Variants in MAPKAP1 observed in about 807,000 individuals in gnomAD.
MAPKAP1 encodes the protein target of rapamycin complex 2 subunit MAPKAP1.
Under a neutral mutation model 65.7 loss-of-function variants are expected in MAPKAP1, and 20 were observed. That is an observed-to-expected ratio of 0.30 (90% CI 0.21 to 0.44). The LOEUF (loss-of-function observed/expected upper bound fraction) is 0.44, where lower values mean the gene tolerates loss of function less well. Ranked by LOEUF, MAPKAP1 falls within the 20% of genes least tolerant of loss-of-function variation. The pLI, the probability that MAPKAP1 is intolerant of heterozygous loss-of-function variation, is 1.00. For synonymous variants in MAPKAP1, 222 were observed against 244.3 expected, an observed-to-expected ratio of 0.91 and a Z score of 0.85; for missense variants, 423 against 648.0, an observed-to-expected ratio of 0.65 and a Z score of 3.77.
intron 9 of MAPKAP1, among the ~76,000 whole-genome samples, chr9:125,473,136 G>A (rs1267821481): frequency 6.6e-6 from 1 of 150,504 alleles, no homozygotes; most frequent in Non-Finnish European, 1.5e-5. Context: ...AGTTCTAGTG[G>A]TATGCCAGGG....
intron 7 of MAPKAP1, among the ~76,000 whole-genome samples, chr9:125,508,147 CAG>C (rs1214057407): frequency 9.9e-5 from 15 of 152,044 alleles, no homozygotes; most frequent in Admixed American, 9.8e-4. Flanking sequence ...GCCTGGGCAA[CAG>C]AGAGAATCCC....
chr9:125,559,340 T>C, intron 6 of MAPKAP1: 2 of 226,992 alleles, frequency 8.8e-6, no homozygotes, highest in East Asian at 1.8e-4. Context: ...CTAGAAGTTT[T>C]GCTTCACAGG....
chr9:125,695,911 A>G (rs916822419), intron 1 of MAPKAP1, among the ~76,000 whole-genome samples: 3 of 152,104 alleles, frequency 2.0e-5, no homozygotes, highest in Non-Finnish European at 2.9e-5. Context: ...TATTTTTAGT[A>G]GAGACGGGGT....
At chr9:125,511,166 AT>A (rs1404814741) in intron 7 of MAPKAP1, among the ~76,000 whole-genome samples, 663 of 41,176 alleles carry the variant, frequency 0.016, 6 homozygotes, top group African/African-American at 0.056. Flanking sequence ...CATCATCACC[AT>A]CATCATCATC....
At chr9:125,477,829 G>T (rs923401365) in intron 9 of MAPKAP1, among the ~76,000 whole-genome samples, 1 of 152,156 alleles carries the variant, frequency 6.6e-6, no homozygotes, top group Non-Finnish European at 1.5e-5. Flanking sequence ...CCTCCCTCAA[G>T]TGGTTAGGCA....
At chr9:125,642,884 C>G (rs779370795) in intron 4 of MAPKAP1, among the ~76,000 whole-genome samples, 2 of 151,982 alleles carry the variant, frequency 1.3e-5, no homozygotes, top group Non-Finnish European at 2.9e-5. Context: ...TCAATTTTAA[C>G]AAAAATATAA....
At position 125,619,639 on chromosome 9, in the gene MAPKAP1, C is replaced by T. The variant is rs897425246; in HGVS notation, c.499-33912G>A. The stretch of plus-strand genomic sequence containing the variant: ...GAGAAATCAGGAACCTTCATATATA[C>T]GAACATAGCAGAAAATAAGACCTTA... On this transcript the variant is annotated intron_variant, in intron 4 of 11. Coordinates refer to ENST00000265960, the MANE Select transcript of MAPKAP1 (RefSeq NM_001006617.3). Among the ~76,000 whole-genome samples the T allele has an allele frequency of 7.9e-5, 12 of 151,898 alleles. 2 individuals carry two copies. Among genetic ancestry groups the T allele is most frequent in the Admixed American group, 7.2e-4 (11 of 15,262 alleles).
chr9:125,460,349 TAAC>T (rs1853438912), intron 10 of MAPKAP1, among the ~76,000 whole-genome samples: 1 of 152,118 alleles, frequency 6.6e-6, no homozygotes, highest in Admixed American at 6.5e-5. Context: ...TTTTCTACTC[TAAC>T]AAATATCAAT....
intron 1 of MAPKAP1, among the ~76,000 whole-genome samples, chr9:125,684,963 G>A (rs1374018473): frequency 1.3e-5 from 2 of 152,174 alleles, no homozygotes; most frequent in East Asian, 1.9e-4. Context: ...CTGAGCCACC[G>A]CACCCGGCTT....
chr9:125,514,677 T>G (rs1217658408), intron 7 of MAPKAP1, among the ~76,000 whole-genome samples: 1 of 152,196 alleles, frequency 6.6e-6, no homozygotes, highest in Non-Finnish European at 1.5e-5. Flanking sequence ...GATTTGGATT[T>G]TCTCTCATAT....
rs147106068 is a variant in MAPKAP1, at chr9:125,557,480, G to T, written c.848+2153C>A. ...AAAAATGATTTTAGGAATTCTGTTGGTAACATTGTAAATTAGGACATCTTT... is the reference window on the plus strand; with the variant it reads ...AAAAATGATTTTAGGAATTCTGTTGTTAACATTGTAAATTAGGACATCTTT... On this transcript the variant is annotated intron_variant, in intron 6 of 11. Transcript: ENST00000265960. Among the ~76,000 whole-genome samples the T allele has an allele frequency of 3.1e-3, 474 of 152,232 alleles. 2 individuals carry two copies. Among genetic ancestry groups the T allele is most frequent in the Middle Eastern group, 6.8e-3 (2 of 294 alleles).
At chr9:125,459,334 G>C (rs1188565190) in intron 10 of MAPKAP1, among the ~76,000 whole-genome samples, 243 of 150,516 alleles carry the variant, frequency 1.6e-3, no homozygotes, top group African/African-American at 5.3e-3. Context: ...TTCCAGACTG[G>C]GCAGCCAGGC....
chr9:125,440,198 T>A, intron 11 of MAPKAP1, among the ~76,000 whole-genome samples: 1 of 152,234 alleles, frequency 6.6e-6, no homozygotes, highest in Admixed American at 6.5e-5. Flanking sequence ...CAACTGGCAC[T>A]GCTCGGAGTG....
intron 5 of MAPKAP1, among the ~76,000 whole-genome samples, chr9:125,561,822 G>T (rs574040627): frequency 6.6e-6 from 1 of 152,056 alleles, no homozygotes; most frequent in Non-Finnish European, 1.5e-5. Flanking sequence ...TAAATGGGAA[G>T]GTAACTATAA....
chr9:125,513,374 T>G (rs1338370199), intron 7 of MAPKAP1, among the ~76,000 whole-genome samples: 2 of 152,224 alleles, frequency 1.3e-5, no homozygotes, highest in Non-Finnish European at 2.9e-5. Flanking sequence ...TTCATGGTTA[T>G]GTCTTCATGT....
At chr9:125,496,132 C>G (rs762655322) in intron 8 of MAPKAP1, among the ~76,000 whole-genome samples, 1 of 152,170 alleles carries the variant, frequency 6.6e-6, no homozygotes, top group Non-Finnish European at 1.5e-5. Flanking sequence ...AGAAGGAGGA[C>G]TTGTACAAGG....
intron 7 of MAPKAP1, among the ~76,000 whole-genome samples, chr9:125,508,126 A>C (rs1829197890): frequency 6.6e-6 from 1 of 152,150 alleles, no homozygotes; most frequent in South Asian, 2.1e-4. Context: ...TGATCATGCC[A>C]CTGTACTCCA....
At chr9:125,543,702 C>G (rs529188087) in intron 6 of MAPKAP1, among the ~76,000 whole-genome samples, 1 of 152,130 alleles carries the variant, frequency 6.6e-6, no homozygotes, top group African/African-American at 2.4e-5. Context: ...GTGAGCAGTT[C>G]CATGTGAGAG....
At chr9:125,555,616 G>A (rs2133202585) in intron 6 of MAPKAP1, among the ~76,000 whole-genome samples, 2 of 152,328 alleles carry the variant, frequency 1.3e-5, no homozygotes, top group South Asian at 4.1e-4. Context: ...TGGGTCAGGT[G>A]TCCTCCTGGC....
Sources: allele counts gnomAD v4.1 joint callset (sites outside exome capture counted in the v4.1 genomes callset), GRCh38; gene constraint gnomAD v4.1.1; transcripts MANE v1.5; gene names NCBI Gene and HGNC (gene_info 2026-07-23, HGNC 2026-07-21).